The following GALNT13 variants were observed in gnomAD, a reference collection of about 807,000 sequenced individuals.
The protein encoded by GALNT13 is UDP-GalNAc:polypeptide N-acetylgalactosaminyltransferase 13.
GALNT13 carries 28 observed loss-of-function variants against 64.2 expected under a neutral mutation model. The ratio of observed to expected loss-of-function variants is 0.44; its 90% confidence interval spans 0.32 to 0.60. The LOEUF (loss-of-function observed/expected upper bound fraction) is 0.60, where lower values mean the gene tolerates loss of function less well. Ranked by LOEUF, GALNT13 falls within the 20% of genes least tolerant of loss-of-function variation. GALNT13 has a pLI of 0.05. For missense variants in GALNT13, 577 were observed against 669.8 expected (o/e 0.86, Z 1.53); for synonymous variants, 214 against 224.6 (o/e 0.95, Z 0.42).
the GALNT13 span, among the ~76,000 whole-genome samples, chr2:153,175,766 G>A: frequency 1.3e-5 from 2 of 152,094 alleles, no homozygotes; most frequent in Admixed American, 6.5e-5. Flanking sequence ...GGAGCAACGA[G>A]AACTAGAGGA....
chr2:153,688,801 G>A, the GALNT13 span, among the ~76,000 whole-genome samples: 30 of 152,060 alleles, frequency 2.0e-4, no homozygotes, highest in African/African-American at 6.7e-4. Flanking sequence ...ACTGACTTGT[G>A]TTCAATTTTA....
chr2:154,105,627 C>T (rs1702573189), intron 3 of GALNT13, among the ~76,000 whole-genome samples: 1 of 152,110 alleles, frequency 6.6e-6, no homozygotes, highest in South Asian at 2.1e-4. Context: ...AATGCATACT[C>T]ATTGTTAAGT....
chr2:154,241,719 G>T (rs1047457091), intron 4 of GALNT13, among the ~76,000 whole-genome samples: 5 of 152,050 alleles, frequency 3.3e-5, no homozygotes, highest in African/African-American at 1.2e-4. Context: ...GAACTCATTT[G>T]TACCTGTTTT....
At chr2:153,218,863 A>G in the GALNT13 span, among the ~76,000 whole-genome samples, 7 of 152,126 alleles carry the variant, frequency 4.6e-5, no homozygotes, top group Non-Finnish European at 7.4e-5. Flanking sequence ...TTTTCTCCTT[A>G]GATTTTGGAC....
the GALNT13 span, among the ~76,000 whole-genome samples, chr2:153,491,547 G>A: frequency 6.6e-6 from 1 of 151,948 alleles, no homozygotes; most frequent in African/African-American, 2.4e-5. Flanking sequence ...GAAGAGCCAT[G>A]CCAGAAGATC....
the GALNT13 span, among the ~76,000 whole-genome samples, chr2:153,536,339 G>A: frequency 6.6e-6 from 1 of 152,192 alleles, no homozygotes; most frequent in Non-Finnish European, 1.5e-5. Context: ...TTCTCACAAG[G>A]ATTACTGCTT....
chr2:153,128,222 G>C, the GALNT13 span, among the ~76,000 whole-genome samples: 5 of 152,130 alleles, frequency 3.3e-5, no homozygotes, highest in African/African-American at 1.2e-4. Flanking sequence ...ACATAGCCAA[G>C]ACTGGGAAAT....
chr2:153,876,836 T>A (rs905842578), intron 1 of GALNT13, among the ~76,000 whole-genome samples: 5 of 152,138 alleles, frequency 3.3e-5, no homozygotes, highest in Admixed American at 6.5e-5. Flanking sequence ...ACTGCAGAGA[T>A]TGATGGGATC....
the GALNT13 span, among the ~76,000 whole-genome samples, chr2:153,268,545 T>C: frequency 6.6e-6 from 1 of 152,180 alleles, no homozygotes; most frequent in African/African-American, 2.4e-5. Flanking sequence ...TCTACTATGC[T>C]GGGGTCTGGA....
intron 9 of GALNT13, among the ~76,000 whole-genome samples, chr2:154,387,250 G>A (rs558029581): frequency 3.9e-5 from 6 of 152,122 alleles, no homozygotes; most frequent in South Asian, 2.1e-4. Context: ...CCAAGAAATC[G>A]CCTAAACCTC....
chr2:153,685,998 C>A, the GALNT13 span, among the ~76,000 whole-genome samples: 5 of 152,090 alleles, frequency 3.3e-5, no homozygotes, highest in South Asian at 1.0e-3. Context: ...CTCCATTGGT[C>A]TGTGTGTCTG....
intron 10 of GALNT13, among the ~76,000 whole-genome samples, chr2:154,398,538 T>G (rs772301225): frequency 2.6e-5 from 4 of 152,230 alleles, no homozygotes; most frequent in Admixed American, 6.5e-5. Flanking sequence ...GACCATATTT[T>G]AATCTGTAGA....
At chr2:154,067,512 T>C (rs1700529498) in intron 3 of GALNT13, among the ~76,000 whole-genome samples, 1 of 147,670 alleles carries the variant, frequency 6.8e-6, no homozygotes, top group Admixed American at 6.8e-5. Context: ...AAAGGAGATT[T>C]CAAGACAAAA....
chr2:153,662,716 C>A, the GALNT13 span, among the ~76,000 whole-genome samples: 5 of 152,122 alleles, frequency 3.3e-5, no homozygotes, highest in South Asian at 1.0e-3. Context: ...AATACATTTA[C>A]TTGATATGAT....
At chr2:154,249,414 A>G (rs1338413254) in intron 7 of GALNT13, among the ~76,000 whole-genome samples, 1 of 152,174 alleles carries the variant, frequency 6.6e-6, no homozygotes, top group African/African-American at 2.4e-5. Context: ...TATGTCTACT[A>G]CTAAAGTGGT....
chr2:153,929,773 T>C (rs1690387709), intron 2 of GALNT13, among the ~76,000 whole-genome samples: 1 of 152,198 alleles, frequency 6.6e-6, no homozygotes, highest in African/African-American at 2.4e-5. Flanking sequence ...GTTGATTCCA[T>C]GTCATTGCTA....
At chr2:154,440,441 T>C (rs1365551043) in intron 12 of GALNT13, among the ~76,000 whole-genome samples, 2 of 150,924 alleles carry the variant, frequency 1.3e-5, no homozygotes, top group Non-Finnish European at 3.0e-5. Context: ...ACTAAGGAAT[T>C]TTAAGTAAAA....
At chr2:153,169,472 G>T in the GALNT13 span, among the ~76,000 whole-genome samples, 2 of 152,318 alleles carry the variant, frequency 1.3e-5, no homozygotes. Flanking sequence ...TGAAGACAAA[G>T]TTTCTACAGG....
the GALNT13 span, among the ~76,000 whole-genome samples, chr2:153,777,383 C>T: frequency 6.6e-6 from 1 of 152,088 alleles, no homozygotes. Flanking sequence ...AAAGAGGATG[C>T]TATGGTCTGA....
Sources: allele counts gnomAD v4.1 joint callset (sites outside exome capture counted in the v4.1 genomes callset), GRCh38; gene constraint gnomAD v4.1.1; transcripts MANE v1.5; gene names NCBI Gene and HGNC (gene_info 2026-07-23, HGNC 2026-07-21).